The following FILIP1 variants were observed in gnomAD, a reference collection of about 807,000 sequenced individuals.
FILIP1 encodes the protein filamin A interacting protein 1, also known as filamin-A-interacting protein 1.
FILIP1 carries 61 observed loss-of-function variants against 102.1 expected under a neutral mutation model. The observed-to-expected ratio is 0.60, with a 90% CI of 0.49 to 0.74. The LOEUF is 0.74. Ranked by LOEUF, FILIP1 falls within the 30% of genes least tolerant of loss-of-function variation. The pLI is 0.00. For missense variants in FILIP1, 1,314 were observed against 1,441.2 expected (o/e 0.91, Z 1.43); for synonymous variants, 491 against 526.9 (o/e 0.93, Z 0.93).
chr6:75,404,723 G>C (rs909455954), intron 2 of FILIP1, among the ~76,000 whole-genome samples: 1 of 151,946 alleles, frequency 6.6e-6, no homozygotes, highest in Admixed American at 6.6e-5. Context: ...TCAACTGCCC[G>C]CCCCTCAGCT....
chr6:75,303,306 T>C (rs1244166120), downstream of FILIP1, among the ~76,000 whole-genome samples: 2 of 152,234 alleles, frequency 1.3e-5, no homozygotes, highest in East Asian at 1.9e-4. Flanking sequence ...TTGGGAGTCA[T>C]TGGCATCTGG....
At chr6:75,369,054 C>T (rs917662896) in intron 2 of FILIP1, among the ~76,000 whole-genome samples, 6 of 152,198 alleles carry the variant, frequency 3.9e-5, no homozygotes, top group Non-Finnish European at 5.9e-5. Flanking sequence ...ATACTTAAAA[C>T]TCTAGCTGTG....
intron 2 of FILIP1, among the ~76,000 whole-genome samples, chr6:75,382,540 T>C (rs1246868037): frequency 6.6e-6 from 1 of 152,186 alleles, no homozygotes; most frequent in Non-Finnish European, 1.5e-5. Flanking sequence ...AAGAATTAAC[T>C]CTACTGTGCT....
chr6:75,319,068 A>C, intron 4 of FILIP1: 1 of 737,886 alleles, frequency 1.4e-6, no homozygotes, highest in Non-Finnish European at 2.4e-6. Flanking sequence ...CATCTTCTTC[A>C]CCTTCTTCCT....
At chr6:75,367,694 G>T (rs1205675065) in intron 2 of FILIP1, 1 of 152,048 alleles carries the variant, frequency 6.6e-6, no homozygotes, top group Non-Finnish European at 1.5e-5. Flanking sequence ...TAATATTGTG[G>T]TATCTAATCA....
chr6:75,320,884 C>T lies in FILIP1; in HGVS notation c.630-5682G>A, dbSNP rs370735239. Among the ~76,000 whole-genome samples, 424 of 152,288 alleles carry T rather than the reference C, an allele frequency of 2.8e-3. 3 individuals carry two copies. Among genetic ancestry groups the T allele is most frequent in the African/African-American group, 9.8e-3 (407 of 41,560 alleles). ...CTCTATATGGGCTGAGCAAGATATC[C>T]CTTACTATCTGTCTACCTGTAGCAC... On this transcript the variant is annotated intron_variant, in intron 4 of 5. Transcript: ENST00000237172.
At chr6:75,306,886 T>G (rs543082553), downstream of FILIP1, among the ~76,000 whole-genome samples, 1 of 141,794 alleles carries the variant, frequency 7.1e-6, no homozygotes, top group South Asian at 2.2e-4. Context: ...CACTGCAACC[T>G]CTGCCTCCCA....
At chr6:75,438,864 T>C (rs1483326025) in intron 1 of FILIP1, among the ~76,000 whole-genome samples, 2 of 152,014 alleles carry the variant, frequency 1.3e-5, no homozygotes, top group Non-Finnish European at 2.9e-5. Context: ...ATTGACAGGG[T>C]TTCCCAGAAA....
chr6:75,433,273 A>C (rs1169614728), intron 1 of FILIP1, among the ~76,000 whole-genome samples: 1 of 152,148 alleles, frequency 6.6e-6, no homozygotes, highest in African/African-American at 2.4e-5. Context: ...ACAGTGATTG[A>C]ATAGTTTGCA....
intron 1 of FILIP1, among the ~76,000 whole-genome samples, chr6:75,429,103 G>A (rs1003386397): frequency 6.7e-6 from 1 of 149,900 alleles, no homozygotes; most frequent in Non-Finnish European, 1.5e-5. Flanking sequence ...ATTCTTCTCT[G>A]TACCTAAGGG....
intron 1 of FILIP1, among the ~76,000 whole-genome samples, chr6:75,426,306 C>T (rs1777624387): frequency 6.6e-6 from 1 of 152,062 alleles, no homozygotes; most frequent in Non-Finnish European, 1.5e-5. Context: ...AGGACATGAA[C>T]ATAAAAGGGT....
Position 75,314,394 on chromosome 6 carries a change from A to G in FILIP1, c.1438T>C (p.Leu480=). 1 of 1,533,150 alleles carries G rather than the reference A, an allele frequency of 6.5e-7. No homozygotes were observed. Among genetic ancestry groups the G allele is most frequent in the Non-Finnish European group, 8.7e-7 (1 of 1,148,536 alleles). 95.0% of individuals were successfully genotyped at this position (1,533,150 alleles called of 1,614,324 possible). A position where few individuals can be genotyped will look rare whatever the true frequency, so the allele number is the denominator to read the frequency against. The change falls in exon 5 of 6, where the codon TTG becomes CTG. Residue 480 remains leucine (L), a synonymous_variant. Transcript: ENST00000237172. ...LEVVKSRVKE[L]ECSESRLEKA... ...TCCAATCTACTTTCAGAACATTCCA[A>G]TTCTTTAACTCGACTCTTGACCACC...
chr6:75,423,834 T>A (rs537537148), intron 1 of FILIP1, among the ~76,000 whole-genome samples: 11 of 152,270 alleles, frequency 7.2e-5, no homozygotes, highest in Admixed American at 3.3e-4. Context: ...AGAAAATGCT[T>A]TCCAAGAGTT....
At chr6:75,452,202 G>A (rs188058395) in intron 1 of FILIP1, among the ~76,000 whole-genome samples, 88 of 151,660 alleles carry the variant, frequency 5.8e-4, no homozygotes, top group African/African-American at 1.8e-3. Context: ...TTGGTGTGCT[G>A]TACCCTTTAA....
chr6:75,445,084 A>T (rs1007074481), intron 1 of FILIP1, among the ~76,000 whole-genome samples: 1 of 151,540 alleles, frequency 6.6e-6, no homozygotes, highest in Non-Finnish European at 1.5e-5. Flanking sequence ...TCTGACTTCC[A>T]CTCCTACCTC....
At chr6:75,325,701 GC>G (rs1253053407) in intron 4 of FILIP1, among the ~76,000 whole-genome samples, 2 of 148,740 alleles carry the variant, frequency 1.3e-5, no homozygotes, top group Admixed American at 1.4e-4. Context: ...ATACCATCTT[GC>G]TCCTGCAAGA....
chr6:75,323,465 C>T (rs1773730540), intron 4 of FILIP1, among the ~76,000 whole-genome samples: 1 of 152,094 alleles, frequency 6.6e-6, no homozygotes, highest in Non-Finnish European at 1.5e-5. Context: ...TAGCGAGTGA[C>T]TTAAAATATG....
intron 4 of FILIP1, among the ~76,000 whole-genome samples, chr6:75,352,448 GA>G (rs1774840388): frequency 6.6e-6 from 1 of 152,158 alleles, no homozygotes; most frequent in South Asian, 2.1e-4. Context: ...TGGTAAAGAA[GA>G]ATGTATTATA....
At position 75,402,373 on chromosome 6, in the gene FILIP1, A is replaced by T. The variant is rs9447474; in HGVS notation, c.276+12324T>A. Among the ~76,000 whole-genome samples, 973 of 152,290 alleles carry T rather than the reference A, an allele frequency of 6.4e-3. 12 individuals are homozygous for T. The highest frequency in any genetic ancestry group is 0.022 in the African/African-American group (920 of 41,570). On this transcript the variant is annotated intron_variant, in intron 2 of 5. Transcript: ENST00000237172. ...AACCTGTCTCTCTGTTGCCTCCTAA[A>T]CTTAGCAAAGACATGCCATTCTCAG...
Sources: gnomAD v4.1 joint callset for allele counts (sites outside exome capture counted in the v4.1 genomes callset) on GRCh38, gnomAD v4.1.1 for gene constraint, MANE v1.5 for transcripts, NCBI Gene and HGNC (gene_info 2026-07-23, HGNC 2026-07-21) for gene names.